Variants in VGF observed in about 807,000 individuals in gnomAD.
VGF encodes VGF nerve growth factor inducible, also known as neurosecretory protein VGF.
VGF carries 13 observed loss-of-function variants against 41.1 expected under a neutral mutation model. The observed-to-expected ratio is 0.32, with a 90% confidence interval of 0.21 to 0.50. The LOEUF is 0.50. VGF is among the 20% of genes least tolerant of loss of function. The pLI is 0.98. For synonymous variants in VGF, 473 were observed against 418.3 expected, an observed-to-expected ratio of 1.13 and a Z score of -1.60; for missense variants, 920 against 882.1, an observed-to-expected ratio of 1.04 and a Z score of -0.54.
In VGF at chr7:101,164,661, G is replaced by T; in HGVS notation, c.183C>A (p.Gly61=). The part of the protein sequence containing the change: ...PKDGSAPEVR[G]ARNSEPQDEG... Reference sequence around the variant, plus strand: ...CGTCCTGCGGCTCGGAATTCCGAGCGCCTCGGACCTCTGGGGCGCTGCCAT... The same window carrying T: ...CGTCCTGCGGCTCGGAATTCCGAGCTCCTCGGACCTCTGGGGCGCTGCCAT... Residue 61 remains glycine, a synonymous_variant, in exon 2 of 2, where the codon GGC becomes GGA. Transcript: ENST00000249330. The T allele has an allele frequency of 6.3e-7, 1 of 1,592,932 alleles. No individual in the cohort carries two copies. Among genetic ancestry groups the T allele is most frequent in the Non-Finnish European group, 8.5e-7 (1 of 1,169,858 alleles).
In VGF at chr7:101,164,822, C is replaced by G. The variant is rs755523412; in HGVS notation, c.22G>C (p.Ala8Pro). Residue 8 changes from alanine to proline, a missense_variant, in exon 2 of 2, where the codon GCT becomes CCT. Transcript: ENST00000249330. ...AGCAGAAGGCAGAAGAGGGCGGAAG[C>G]CGACAATCTGAGGGCTTTCATGACC... The part of the protein sequence containing the change: MKALRLS[A>P]SALFCLLLIN... 6.4e-7 allele frequency: 1 copy of G among 1,565,620 alleles called. No homozygotes were observed. Among genetic ancestry groups the G allele is most frequent in the Admixed American group, 1.9e-5 (1 of 51,828 alleles).
upstream of VGF, chr7:101,165,593 C>A (rs1210823937): frequency 2.0e-6 from 2 of 985,272 alleles, no homozygotes; most frequent in African/African-American, 3.5e-5. Flanking sequence ...GCCTCCACCG[C>A]CTTATAAAGG....
At chr7:101,169,128 T>G (rs1797266105), upstream of VGF, among the ~76,000 whole-genome samples, 1 of 151,718 alleles carries the variant, frequency 6.6e-6, no homozygotes, top group Non-Finnish European at 1.5e-5. Flanking sequence ...CACCCTGATT[T>G]TTAGTCCTGA....
Position 101,164,794 on chromosome 7 carries a change from A to G in VGF, c.50T>C (p.Ile17Thr). The part of the protein sequence containing the change: ...SASALFCLLL[I>T]NGLGAAPPGR... ...AGGGGGTGCTGCCCCTAACCCGTTG[A>G]TCAGCAGAAGGCAGAAGAGGGCGGA... Residue 17 changes from isoleucine to threonine, a missense_variant, in exon 2 of 2, where the codon ATC becomes ACC. Physicochemically the swap from Ile to Thr is moderately conservative, Grantham distance 89. This residue lies in a region of VGF where 654 missense variants were observed against 638.4 expected (regional missense o/e 1.02). Transcript: ENST00000249330. 6.3e-7 allele frequency: 1 copy of G among 1,598,386 alleles called. No individual in the cohort carries two copies. The highest frequency in any genetic ancestry group is 8.6e-7 in the Non-Finnish European group (1 of 1,168,910).
Position 101,163,770 on chromosome 7 carries a change from T to G in VGF, c.1074A>C (p.Arg358=). The G allele has an allele frequency of 6.5e-7, 1 of 1,529,330 alleles. No homozygotes were observed. The highest frequency in any genetic ancestry group is 8.8e-7 in the Non-Finnish European group (1 of 1,142,068). The allele number at this position is 1,529,330 out of a possible 1,614,324, so 94.7% of individuals were successfully genotyped here. Residue 358 remains arginine (R), a synonymous_variant, in exon 2 of 2, where the codon CGA becomes CGC. Transcript: ENST00000249330. The surrounding 1 kb of genome is among the most constrained non-coding windows in gnomAD (Gnocchi z 5.0). ...GRGLQEAAEE[R]ESAREEEEAE... ...CCTCCTCCTCCTCCCTTGCACTCTC[T>G]CGCTCCTCCGCCGCCTCCTGCAGCC...
Position 101,163,042 on chromosome 7 carries a change from T to A in VGF, c.1802A>T (p.Glu601Val). The A allele has an allele frequency of 1.3e-6, 2 of 1,570,134 alleles. No homozygotes were observed. Among genetic ancestry groups the A allele is most frequent in the Non-Finnish European group, 1.7e-6 (2 of 1,163,026 alleles). The change falls in exon 2 of 2, where the codon GAG (glutamate) becomes GTG (valine). Residue 601 changes from glutamate to valine, a missense_variant. Around this residue, in one of 3 missense-constraint regions of VGF, gnomAD observed 257 missense variants for 217.2 expected, o/e 1.18. Transcript: ENST00000249330. The surrounding 1 kb of genome is among the most constrained non-coding windows in gnomAD (Gnocchi z 5.0). ...GTGCTCGATGTAATTCTCCAGCTCC[T>A]CCTGCTCCTGCAGCCGGCGCTCCTC... The part of the protein sequence containing the change: ...EAEERRLQEQ[E>V]ELENYIEHVL...
rs747086292 is a variant in VGF, at chr7:101,163,217, A to G, written c.1627T>C (p.Tyr543His). ...CGGATGTAGTTGGGGAAAGGGTGGT[A>G]CGGCCCTGGCGGGTACACCTCGTCC... ...EEDEVYPPGPYHPFPNYIRPR... is the reference protein window; with the variant it reads ...EEDEVYPPGPHHPFPNYIRPR... Residue 543 changes from tyrosine (Y) to histidine (H), a missense_variant, in exon 2 of 2, where the codon TAC becomes CAC. Physicochemically the swap from Tyr to His is moderately conservative, Grantham distance 83. Around this residue, in one of 3 missense-constraint regions of VGF, gnomAD observed 257 missense variants for 217.2 expected, o/e 1.18. Coordinates refer to ENST00000249330, the MANE Select transcript of VGF (RefSeq NM_003378.4). The surrounding 1 kb of genome is among the most constrained non-coding windows in gnomAD (Gnocchi z 5.0). 6.5e-7 allele frequency: 1 copy of G among 1,542,158 alleles called. No homozygotes were observed. The highest frequency in any genetic ancestry group is 2.4e-5 in the East Asian group (1 of 41,936).
Position 101,163,007 on chromosome 7 carries a change from G to C in VGF, c.1837C>G (p.Arg613Gly). 1 of 1,466,124 alleles carries C rather than the reference G, an allele frequency of 6.8e-7. No individual in the cohort carries two copies. Among genetic ancestry groups the C allele is most frequent in the African/African-American group, 1.5e-5 (1 of 68,318 alleles). The allele number at this position is 1,466,124 out of a possible 1,614,324, so 90.8% of individuals were successfully genotyped here. Reference sequence around the variant, plus strand: ...ACCGGGAAGGGCAGTCACGGGCGCCGGAGCAGCACGTGCTCGATGTAATTC... The same window carrying C: ...ACCGGGAAGGGCAGTCACGGGCGCCCGAGCAGCACGTGCTCGATGTAATTC... ...LENYIEHVLLRRP is the reference protein window; with the variant it reads ...LENYIEHVLLGRP Residue 613 changes from arginine to glycine, a missense_variant, in exon 2 of 2, where the codon CGG (arginine) becomes GGG (glycine). Physicochemically the swap from Arg to Gly is moderately radical, Grantham distance 125. This residue lies in a region of VGF where 257 missense variants were observed against 217.2 expected (regional missense o/e 1.18). Coordinates refer to ENST00000249330, the MANE Select transcript of VGF (RefSeq NM_003378.4). This position sits in a 1 kb window ranked among gnomAD's most constrained non-coding sequence, Gnocchi z 5.0.
At chr7:101,164,901 TA>T in intron 1 of VGF, 38 bp from the exon 2 acceptor site, 1 of 1,492,312 alleles carries the variant, frequency 6.7e-7, no homozygotes, top group Non-Finnish European at 8.9e-7. Flanking sequence ...AGGATTTCTG[TA>T]AGAATTCCCC....
Position 101,162,579 on chromosome 7 carries a change from A to C in VGF, c.*417T>G. 3.5e-6 allele frequency: 1 copy of C among 288,826 alleles called. No individual in the cohort carries two copies. The highest frequency in any genetic ancestry group is 6.8e-6 in the Non-Finnish European group (1 of 146,098). 17.9% of individuals were successfully genotyped at this position (288,826 alleles called of 1,614,324 possible). On this transcript the variant is annotated 3_prime_UTR_variant, in exon 2 of 2. Transcript: ENST00000249330. The surrounding 1 kb of genome is among the most constrained non-coding windows in gnomAD (Gnocchi z 4.2). ...CCGTGAGGGGTATTTACAACAGAGA[A>C]AGGAAAGAAGGGGTCAATTCACAGC...
Position 101,164,395 on chromosome 7 carries a change from C to T in VGF, c.449G>A (p.Ser150Asn). The change falls in exon 2 of 2, where the codon AGC becomes AAC. Residue 150 changes from serine (S) to asparagine (N), a missense_variant. Physicochemically the swap from Ser to Asn is conservative, Grantham distance 46. Around this residue, in one of 3 missense-constraint regions of VGF, gnomAD observed 654 missense variants for 638.4 expected, o/e 1.02. Coordinates refer to ENST00000249330, the MANE Select transcript of VGF (RefSeq NM_003378.4). ...CGCCTCGAGCTCCTCGGAGGGATCG[C>T]TCGCCTCGGGCCCATTCTCCGGAGT... ...PQTPENGPEA[S>N]DPSEELEALA... The T allele has an allele frequency of 6.2e-7, 1 of 1,611,280 alleles. No individual in the cohort carries two copies. Among genetic ancestry groups the T allele is most frequent in the Non-Finnish European group, 8.5e-7 (1 of 1,179,814 alleles).
intron 1 of VGF, 75 bp from the exon 2 acceptor site, chr7:101,164,938 C>A (rs986150604): frequency 1.4e-6 from 2 of 1,430,730 alleles, no homozygotes; most frequent in East Asian, 2.5e-5. Context: ...TCCCTTCCCC[C>A]ACCTTTCAGC....
Position 101,162,904 on chromosome 7 carries a change from A to T in VGF, c.*92T>A. The stretch of plus-strand genomic sequence containing the variant: ...GGGCCAAGGGGCAGGGCCGGGGCGC[A>T]TGCAAACACCGAGGGGGAGCGGGCA... On this transcript the variant is annotated 3_prime_UTR_variant, in exon 2 of 2. Coordinates refer to ENST00000249330, the MANE Select transcript of VGF (RefSeq NM_003378.4). The surrounding 1 kb of genome is among the most constrained non-coding windows in gnomAD (Gnocchi z 4.2). The T allele has an allele frequency of 1.4e-6, 1 of 704,846 alleles. No homozygotes were observed. The highest frequency in any genetic ancestry group is 2.2e-6 in the Non-Finnish European group (1 of 455,404). The allele number at this position is 704,846 out of a possible 1,614,324, so 43.7% of individuals were successfully genotyped here.
At chr7:101,165,120 C>T (rs976590949) in intron 1 of VGF, 5 of 1,185,882 alleles carry the variant, frequency 4.2e-6, no homozygotes, top group African/African-American at 3.1e-5. Context: ...CATCTCACTG[C>T]CATCGCCCAC....
chr7:101,164,341 T>C lies in VGF; in HGVS notation c.503A>G (p.Asp168Gly), dbSNP rs1407762146. Reference protein sequence around the residue: ...ALASLLQELRDFSPSSAKRQQ... With the variant: ...ALASLLQELRGFSPSSAKRQQ... ...GCGCTTGGCGCTACTTGGACTGAAA[T>C]CTCGCAGTTCCTGGAGCAGGGACGC... Residue 168 changes from aspartate to glycine, a missense_variant, in exon 2 of 2, where the codon GAT (aspartate) becomes GGT (glycine). Transcript: ENST00000249330. The C allele has an allele frequency of 6.2e-7, 1 of 1,611,888 alleles. No homozygotes were observed. The highest frequency in any genetic ancestry group is 1.7e-5 in the Admixed American group (1 of 60,030).
At chr7:101,165,666 A>C (rs546284319), upstream of VGF, 4,516 of 985,144 alleles carry the variant, frequency 4.6e-3, 17 homozygotes, top group Non-Finnish European at 5.3e-3. Flanking sequence ...TTCATGGGGA[A>C]GCGGGCGGCC....
At chr7:101,166,507 T>G, upstream of VGF, among the ~76,000 whole-genome samples, 1 of 119,986 alleles carries the variant, frequency 8.3e-6, no homozygotes, top group Non-Finnish European at 1.7e-5. Context: ...GGGAGGGGGT[T>G]GCGCAGGTGG....
upstream of VGF, among the ~76,000 whole-genome samples, chr7:101,167,571 G>T (rs1433460052): frequency 1.3e-5 from 2 of 152,118 alleles, no homozygotes; most frequent in Non-Finnish European, 2.9e-5. The surrounding 1 kb of genome is among the most constrained non-coding windows in gnomAD (Gnocchi z 4.2). Flanking sequence ...ATCAGAGAGA[G>T]ATGGCTCAGA....
In VGF at chr7:101,163,923, C is replaced by T. The variant is rs748501620; in HGVS notation, c.921G>A (p.Gly307=). The T allele has an allele frequency of 3.4e-6, 5 of 1,461,442 alleles. No individual in the cohort carries two copies. The highest frequency in any genetic ancestry group is 2.7e-5 in the East Asian group (1 of 36,394). The allele number at this position is 1,461,442 out of a possible 1,614,324, so 90.5% of individuals were successfully genotyped here. A position where few individuals can be genotyped will look rare whatever the true frequency, so the allele number is the denominator to read the frequency against. The stretch of plus-strand genomic sequence containing the variant: ...GCCGCGTGGCCTCCGCCTGCCGCCG[C>T]CCGGCCTCCACCTGCGCCAGCCCTT... ...LQQGLAQVEA[G]RRQAEATRQA... is the part of the protein sequence containing the mutation. Residue 307 remains glycine (G), a synonymous_variant, in exon 2 of 2, where the codon GGG becomes GGA. Coordinates refer to ENST00000249330, the MANE Select transcript of VGF (RefSeq NM_003378.4). This position sits in a 1 kb window ranked among gnomAD's most constrained non-coding sequence, Gnocchi z 5.0.
Sources: allele counts gnomAD v4.1 joint callset (sites outside exome capture counted in the v4.1 genomes callset), GRCh38; gene constraint gnomAD v4.1.1; regional missense constraint gnomAD v4.1.1; non-coding constraint Gnocchi (gnomAD v3.1); transcripts MANE v1.5; gene names NCBI Gene and HGNC (gene_info 2026-07-23, HGNC 2026-07-21).